Variants in PTPRN2 observed in about 807,000 individuals in gnomAD.
The protein encoded by PTPRN2 is receptor-type tyrosine-protein phosphatase N2.
PTPRN2 carries 74 observed loss-of-function variants against 118.8 expected under a neutral mutation model. That is an observed-to-expected ratio of 0.62 (90% CI 0.52 to 0.76). The LOEUF is 0.76. Among genes scored for constraint, PTPRN2 ranks in the 30% least tolerant of loss-of-function variants. PTPRN2 has a pLI of 0.00. For synonymous variants in PTPRN2, 641 were observed against 608.0 expected, an observed-to-expected ratio of 1.05 and a Z score of -0.80; for missense variants, 1,481 against 1,394.4, an observed-to-expected ratio of 1.06 and a Z score of -0.99.
At chr7:158,042,219 C>T (rs906965854) in intron 11 of PTPRN2, among the ~76,000 whole-genome samples, 1 of 152,126 alleles carries the variant, frequency 6.6e-6, no homozygotes, top group Non-Finnish European at 1.5e-5. Context: ...AATGGATTTC[C>T]AAACGTCCAG....
rs370283162 is a variant in PTPRN2 at position 158,587,585 on chromosome 7, G to T, written c.85C>A (p.Arg29Ser). Residue 29 changes from arginine to serine, a missense_variant, in exon 1 of 23, where the codon CGC becomes AGC. This residue lies in a region of PTPRN2 where 1,115 missense variants were observed against 994.2 expected (regional missense o/e 1.12). Transcript: ENST00000389418. ...AGACGCCCCGGGAGCTGCCGGCCGC[G>T]GGGGACGGACGAAGGGGCGGCAGGC... is the stretch of plus-strand genomic sequence containing the variant. ...VLPAAPSSVPRGRQLPGRLGC... is the reference protein window; with the variant it reads ...VLPAAPSSVPSGRQLPGRLGC... 5.1e-4 allele frequency: 676 copies of T among 1,336,490 alleles called. 5 individuals are homozygous for T. In the East Asian group the frequency reaches 0.017, roughly 35 times the overall value. The allele number at this position is 1,336,490 out of a possible 1,614,324, so 82.8% of individuals were successfully genotyped here.
intron 1 of PTPRN2, among the ~76,000 whole-genome samples, chr7:158,530,114 A>G (rs10081191): frequency 1.3e-5 from 2 of 151,906 alleles, no homozygotes. Flanking sequence ...GCTGACCCCA[A>G]AAATAAGTAG....
At chr7:158,471,082 T>C (rs575110095) in intron 2 of PTPRN2, among the ~76,000 whole-genome samples, 1 of 152,266 alleles carries the variant, frequency 6.6e-6, no homozygotes, top group East Asian at 1.9e-4. Context: ...TCAAAGGTTT[T>C]TTTTGTTTTG....
intron 9 of PTPRN2, among the ~76,000 whole-genome samples, chr7:158,124,426 C>T (rs1460242173): frequency 3.9e-5 from 6 of 152,324 alleles, no homozygotes; most frequent in East Asian, 1.9e-4. Flanking sequence ...AAAAGGACAG[C>T]GGTGAAGGGA....
rs118188523 is a variant in PTPRN2 at position 158,100,581 on chromosome 7, G to T, written c.1643+10248C>A. ...AGCATCTACTGTTTTTTGATTTTTT[G>T]ATTATATCCAATCTTGCAGGAGTAA... On this transcript the variant is annotated intron_variant, in intron 10 of 22. Transcript: ENST00000389418. Among the ~76,000 whole-genome samples the T allele has an allele frequency of 4.2e-3, 634 of 152,096 alleles. 16 individuals carry two copies. The highest frequency in any genetic ancestry group is 0.032 in the East Asian group (167 of 5,176).
At chr7:157,659,171 T>C (rs1795753676) in intron 13 of PTPRN2, among the ~76,000 whole-genome samples, 1 of 151,330 alleles carries the variant, frequency 6.6e-6, no homozygotes, top group African/African-American at 2.4e-5. Flanking sequence ...GCTCTCTGCT[T>C]CGGACTCATA....
At position 158,015,998 on chromosome 7, in the gene PTPRN2, G is replaced by A. The variant is rs541221496; in HGVS notation, c.1723+65300C>T. ...TGTGTCACCTGCGTGGCCTTTTCAG[G>A]TTCTGGGGGCCTCGGTGGAAAACAC... On this transcript the variant is annotated intron_variant, in intron 11 of 22. Coordinates refer to ENST00000389418, the MANE Select transcript of PTPRN2 (RefSeq NM_002847.5). The surrounding 1 kb of genome is among the most constrained non-coding windows in gnomAD (Gnocchi z 4.2). Among the ~76,000 whole-genome samples, 1 of 152,308 alleles carries A rather than the reference G, an allele frequency of 6.6e-6. No individual in the cohort carries two copies. The highest frequency in any genetic ancestry group is 2.1e-4 in the South Asian group (1 of 4,822).
At chr7:158,347,143 G>A (rs1371367826) in intron 2 of PTPRN2, among the ~76,000 whole-genome samples, 8 of 152,088 alleles carry the variant, frequency 5.3e-5, no homozygotes, top group Non-Finnish European at 1.2e-4. Flanking sequence ...TGTTGCCTGT[G>A]CTTTGGGGAT....
At chr7:157,548,544 T>TG (rs1351996473) in intron 22 of PTPRN2, among the ~76,000 whole-genome samples, 1 of 152,244 alleles carries the variant, frequency 6.6e-6, no homozygotes, top group African/African-American at 2.4e-5. Flanking sequence ...TGCTGTGCCC[T>TG]GGGGGCCTCC....
chr7:157,707,687 G>A (rs1294447307), intron 12 of PTPRN2, among the ~76,000 whole-genome samples: 1 of 152,014 alleles, frequency 6.6e-6, no homozygotes, highest in African/African-American at 2.4e-5. Flanking sequence ...GGGTTCAAGT[G>A]ATTCTCCTGC....
At chr7:158,240,167 GA>G (rs1795827728) in intron 3 of PTPRN2, among the ~76,000 whole-genome samples, 1 of 152,122 alleles carries the variant, frequency 6.6e-6, no homozygotes, top group South Asian at 2.1e-4. Context: ...TTATCTTTTT[GA>G]TAAGTGTGGA....
intron 10 of PTPRN2, among the ~76,000 whole-genome samples, chr7:158,103,364 G>A (rs1463541372): frequency 3.3e-5 from 5 of 152,218 alleles, no homozygotes; most frequent in African/African-American, 7.2e-5. Context: ...AAAGTAAGAG[G>A]TAAAAAGCCT....
chr7:157,592,063 C>T (rs11764903), intron 17 of PTPRN2, among the ~76,000 whole-genome samples: 7,345 of 152,266 alleles, frequency 0.048, 325 homozygotes, highest in East Asian at 0.2. Context: ...CTGGAACCAC[C>T]TGATACCTGC....
At chr7:158,387,562 C>T (rs373311869) in intron 2 of PTPRN2, among the ~76,000 whole-genome samples, 30 of 121,436 alleles carry the variant, frequency 2.5e-4, no homozygotes, top group South Asian at 5.8e-4. Flanking sequence ...GGGGCTGCGG[C>T]ATCCCTGTCA....
intron 5 of PTPRN2, among the ~76,000 whole-genome samples, chr7:158,170,903 C>A (rs1823484212): frequency 6.6e-6 from 1 of 151,770 alleles, no homozygotes; most frequent in Non-Finnish European, 1.5e-5. Flanking sequence ...TAGTATCTGG[C>A]ACGGAAGTGT....
At chr7:158,492,836 C>T (rs567996806) in intron 1 of PTPRN2, among the ~76,000 whole-genome samples, 87 of 152,344 alleles carry the variant, frequency 5.7e-4, no homozygotes, top group Middle Eastern at 3.4e-3. Flanking sequence ...CCAGGCGCCT[C>T]GGGCACACGC....
At chr7:157,921,327 G>A (rs1798681697) in intron 11 of PTPRN2, among the ~76,000 whole-genome samples, 1 of 152,192 alleles carries the variant, frequency 6.6e-6, no homozygotes, top group Admixed American at 6.5e-5. Context: ...GGAGTTGGGG[G>A]AAGAGAGAGG....
At chr7:157,727,673 G>A (rs1378597599) in intron 12 of PTPRN2, among the ~76,000 whole-genome samples, 1 of 152,218 alleles carries the variant, frequency 6.6e-6, no homozygotes, top group South Asian at 2.1e-4. Context: ...CGGTTAGGAC[G>A]ATCCATTTTC....
At position 157,610,946 on chromosome 7, in the gene PTPRN2, G is replaced by A. The variant is rs1163082096; in HGVS notation, c.2345-6871C>T. Among the ~76,000 whole-genome samples the A allele has an allele frequency of 6.6e-6, 1 of 152,202 alleles. No homozygotes were observed. The highest frequency in any genetic ancestry group is 1.5e-5 in the Non-Finnish European group (1 of 68,040). ...GGGCCTCCGCAGCTCAGCATACAAT[G>A]CTGCATCTGGGCAGACTGGGACAGG... On this transcript the variant is annotated intron_variant, in intron 15 of 22. Coordinates refer to ENST00000389418, the MANE Select transcript of PTPRN2 (RefSeq NM_002847.5). This position sits in a 1 kb window ranked among gnomAD's most constrained non-coding sequence, Gnocchi z 5.1.
Sources: allele counts gnomAD v4.1 joint callset (sites outside exome capture counted in the v4.1 genomes callset), GRCh38; gene constraint gnomAD v4.1.1; regional missense constraint gnomAD v4.1.1; non-coding constraint Gnocchi (gnomAD v3.1); transcripts MANE v1.5; gene names NCBI Gene and HGNC (gene_info 2026-07-23, HGNC 2026-07-21).